The following DENND4C variants were observed in gnomAD, a reference collection of about 807,000 sequenced individuals.
The protein encoded by DENND4C is DENN domain containing 4C, also known as DENN domain-containing protein 4C.
Under a neutral mutation model 203.0 loss-of-function variants are expected in DENND4C, and 108 were observed. The ratio of observed to expected loss-of-function variants is 0.53; its 90% CI spans 0.46 to 0.62. The LOEUF (loss-of-function observed/expected upper bound fraction) is 0.62. Ranked by LOEUF, DENND4C falls within the 20% of genes least tolerant of loss-of-function variation. The pLI is 0.00. For synonymous variants in DENND4C, 871 were observed against 792.4 expected (o/e 1.10, Z -1.67); for missense variants, 2,481 against 2,301.2 (o/e 1.08, Z -1.60).
intron 17 of DENND4C, among the ~76,000 whole-genome samples, chr9:19,333,140 G>C (rs894756227): frequency 6.6e-5 from 10 of 151,870 alleles, no homozygotes; most frequent in Admixed American, 3.9e-4. Flanking sequence ...TCAGCCTCCT[G>C]AGTAGCTGGG....
chr9:19,306,900 C>G (rs1446018355), intron 10 of DENND4C, among the ~76,000 whole-genome samples: 1 of 151,968 alleles, frequency 6.6e-6, no homozygotes, highest in Non-Finnish European at 1.5e-5. Flanking sequence ...CCTGCCTCAG[C>G]CTTCCGAGTA....
rs1056034897 is a variant in DENND4C, at chr9:19,327,946, T to C, written c.2121-84T>C. ...AATAATGTTGGATACTATTTGAAGT[T>C]TAGAAATATTTGCCTAAACGCTGGA... On this transcript the variant is annotated intron_variant, in intron 15 of 32. Transcript: ENST00000434457. 19 of 1,302,856 alleles carry C rather than the reference T, an allele frequency of 1.5e-5. No individual in the cohort carries two copies. In the African/African-American group the frequency reaches 2.7e-4, roughly 19 times the overall value. 80.7% of individuals were successfully genotyped at this position (1,302,856 alleles called of 1,614,324 possible).
chr9:19,268,976 T>C (rs1460428922), intron 1 of DENND4C, among the ~76,000 whole-genome samples: 2 of 152,184 alleles, frequency 1.3e-5, no homozygotes, highest in East Asian at 3.9e-4. Context: ...TATCTTTCTC[T>C]ATGTTTGGGA....
chr9:19,353,762 A>C (rs999873801), intron 26 of DENND4C, among the ~76,000 whole-genome samples: 1 of 151,988 alleles, frequency 6.6e-6, no homozygotes, highest in African/African-American at 2.4e-5. Context: ...GCAAAACCCC[A>C]TCTCTACAAA....
intron 7 of DENND4C, among the ~76,000 whole-genome samples, chr9:19,298,660 C>T (rs1837938735): frequency 6.6e-6 from 1 of 152,106 alleles, no homozygotes; most frequent in Admixed American, 6.5e-5. Context: ...GTCAGATTGT[C>T]ATAAAAGTTG....
Position 19,345,925 on chromosome 9 carries a change from T to C in DENND4C, c.3156T>C (p.Ser1052=), listed in dbSNP as rs149148626. 3.5e-4 allele frequency: 558 copies of C among 1,605,204 alleles called. No homozygotes were observed. The highest frequency in any genetic ancestry group is 4.4e-4 in the Non-Finnish European group (522 of 1,176,204). ...ATATTTTACTTTCCCTTTTAGGTAG[T>C]ATATCAAATGTGCTGTTTTCTACTC... ...DVNSRKSSTG[S]ISNVLFSTQD... Residue 1052 remains serine (S), a synonymous_variant, in exon 23 of 33, where the codon AGT becomes AGC. Coordinates refer to ENST00000434457, the MANE Select transcript of DENND4C (RefSeq NM_001330640.2).
intron 1 of DENND4C, among the ~76,000 whole-genome samples, chr9:19,245,683 C>T (rs527963555): frequency 2.0e-5 from 3 of 152,098 alleles, no homozygotes; most frequent in East Asian, 1.9e-4. Context: ...GGTGAAACCC[C>T]GTCTCTACTA....
intron 1 of DENND4C, among the ~76,000 whole-genome samples, chr9:19,248,803 GT>G (rs34741630): frequency 0.6 from 87,555 of 146,890 alleles, 26,079 homozygotes; most frequent in South Asian, 0.76. Flanking sequence ...AGCACCTATG[GT>G]TTTTTTTTTT....
intron 12 of DENND4C, among the ~76,000 whole-genome samples, chr9:19,322,303 A>G (rs1283640166): frequency 6.6e-6 from 1 of 152,180 alleles, no homozygotes; most frequent in Non-Finnish European, 1.5e-5. Context: ...GGCAAGTAGT[A>G]CATTCCTCCA....
At chr9:19,322,061 A>C (rs975377088) in intron 12 of DENND4C, among the ~76,000 whole-genome samples, 1 of 152,214 alleles carries the variant, frequency 6.6e-6, no homozygotes, top group Non-Finnish European at 1.5e-5. Flanking sequence ...TTTTCATTGC[A>C]CTGAAGTATG....
intron 1 of DENND4C, among the ~76,000 whole-genome samples, chr9:19,239,638 C>A (rs765169527): frequency 6.6e-6 from 1 of 152,038 alleles, no homozygotes; most frequent in Non-Finnish European, 1.5e-5. Flanking sequence ...AAGCGCACAC[C>A]ACCATGCCCG....
At chr9:19,291,753 AT>A (rs1360870588) in intron 5 of DENND4C, among the ~76,000 whole-genome samples, 1 of 151,942 alleles carries the variant, frequency 6.6e-6, no homozygotes, top group Non-Finnish European at 1.5e-5. Context: ...TGAAGGGATA[AT>A]TAATGAAGTG....
At chr9:19,325,719 A>C (rs111687775) in intron 13 of DENND4C, among the ~76,000 whole-genome samples, 2,247 of 152,288 alleles carry the variant, frequency 0.015, 52 homozygotes, top group African/African-American at 0.051. Flanking sequence ...TAAGGTTTAC[A>C]AAACAACTAA....
chr9:19,314,881 G>C (rs983424257), intron 10 of DENND4C, among the ~76,000 whole-genome samples: 2 of 152,092 alleles, frequency 1.3e-5, no homozygotes, highest in African/African-American at 4.8e-5. Context: ...AAAGAATCAG[G>C]CTGAGTGCAG....
intron 1 of DENND4C, among the ~76,000 whole-genome samples, chr9:19,261,519 T>TG (rs1223310464): frequency 1.3e-5 from 2 of 151,904 alleles, no homozygotes; most frequent in Non-Finnish European, 2.9e-5. Flanking sequence ...TCCTTTTTTT[T>TG]GGAGATAGGG....
At chr9:19,365,862 T>G (rs1183380162) in intron 30 of DENND4C, among the ~76,000 whole-genome samples, 2 of 151,924 alleles carry the variant, frequency 1.3e-5, no homozygotes, top group Non-Finnish European at 2.9e-5. Context: ...ATGGATAAAT[T>G]GAACCAAAGA....
At chr9:19,371,683 C>A in intron 31 of DENND4C, 73 bp from the exon 32 acceptor site, 1 of 756,620 alleles carries the variant, frequency 1.3e-6, no homozygotes, top group Non-Finnish European at 2.3e-6. Flanking sequence ...TTAATGTCTT[C>A]ACCATTAAAA....
Position 19,372,210 on chromosome 9 carries a change from G to A in DENND4C, c.*37G>A. 1 of 1,578,730 alleles carries A rather than the reference G, an allele frequency of 6.3e-7. No homozygotes were observed. The highest frequency in any genetic ancestry group is 1.9e-5 in the Admixed American group (1 of 52,232). ...CTAGAATGTTGACACACAAGGCTTG[G>A]GGATTAGATTTCATCTGGAAACATT... On this transcript the variant is annotated 3_prime_UTR_variant, in exon 33 of 33. Transcript: ENST00000434457.
At chr9:19,343,619 C>G (rs1217829349) in intron 22 of DENND4C, among the ~76,000 whole-genome samples, 2 of 152,206 alleles carry the variant, frequency 1.3e-5, no homozygotes, top group Non-Finnish European at 2.9e-5. Flanking sequence ...GGGTAGTGCT[C>G]AAGAGGTGGG....
Sources: allele counts gnomAD v4.1 joint callset (sites outside exome capture counted in the v4.1 genomes callset), GRCh38; gene constraint gnomAD v4.1.1; transcripts MANE v1.5; gene names NCBI Gene and HGNC (gene_info 2026-07-23, HGNC 2026-07-21).